Variants in ASAP1 observed in about 807,000 individuals in gnomAD.
ASAP1 encodes the protein ArfGAP with SH3 domain, ankyrin repeat and PH domain 1.
A neutral mutation model predicts 145.2 loss-of-function variants in ASAP1; 43 were observed. That is an observed-to-expected ratio of 0.30 (90% CI 0.23 to 0.38). The LOEUF (loss-of-function observed/expected upper bound fraction) is 0.38, where lower values mean the gene tolerates loss of function less well. ASAP1 is among the 10% of genes least tolerant of loss of function. ASAP1 has a pLI of 1.00. For synonymous variants in ASAP1, 546 were observed against 515.5 expected (o/e 1.06, Z -0.80); for missense variants, 1,018 against 1,355.3 (o/e 0.75, Z 3.91).
intron 3 of ASAP1, among the ~76,000 whole-genome samples, chr8:130,243,704 T>G (rs1204349814): frequency 6.6e-6 from 1 of 152,190 alleles, no homozygotes; most frequent in Non-Finnish European, 1.5e-5. Context: ...TCTCTTCGCC[T>G]AAATCTAAAC....
At chr8:130,288,680 T>C (rs900958264) in intron 3 of ASAP1, among the ~76,000 whole-genome samples, 2 of 152,182 alleles carry the variant, frequency 1.3e-5, no homozygotes, top group Non-Finnish European at 2.9e-5. Flanking sequence ...AAGGGCACTA[T>C]GGGAAGAAGA....
intron 3 of ASAP1, among the ~76,000 whole-genome samples, chr8:130,344,425 T>C (rs889330681): frequency 6.6e-6 from 1 of 152,092 alleles, no homozygotes; most frequent in Non-Finnish European, 1.5e-5. Flanking sequence ...TACTGAAGTA[T>C]TTACGGATGA....
At chr8:130,125,791 C>T (rs1041984063) in intron 17 of ASAP1, among the ~76,000 whole-genome samples, 165 bp downstream of exon 17, 1 of 152,138 alleles carries the variant, frequency 6.6e-6, no homozygotes, top group African/African-American at 2.4e-5. Flanking sequence ...AGAAAGTCAG[C>T]ATTACATACC....
chr8:130,413,116 CAG>C (rs1312303707), intron 1 of ASAP1, among the ~76,000 whole-genome samples: 1 of 152,170 alleles, frequency 6.6e-6, no homozygotes, highest in Non-Finnish European at 1.5e-5. Flanking sequence ...AGTATCTTGC[CAG>C]AGTTTTTACA....
intron 12 of ASAP1, among the ~76,000 whole-genome samples, chr8:130,156,052 C>T (rs1201731204): frequency 1.3e-5 from 2 of 152,200 alleles, no homozygotes; most frequent in African/African-American, 2.4e-5. Context: ...CACTTTCGTA[C>T]ATATAATGAG....
At chr8:130,378,653 G>C (rs905188642) in intron 2 of ASAP1, among the ~76,000 whole-genome samples, 3 of 152,180 alleles carry the variant, frequency 2.0e-5, no homozygotes, top group African/African-American at 7.2e-5. Flanking sequence ...AAGTGAGGGA[G>C]AGTTTCTAAG....
intron 12 of ASAP1, among the ~76,000 whole-genome samples, chr8:130,157,269 C>G (rs1407452614): frequency 6.6e-6 from 1 of 152,184 alleles, no homozygotes; most frequent in African/African-American, 2.4e-5. Flanking sequence ...TTTCTTTTCT[C>G]CTTTTACTTT....
At chr8:130,274,262 A>C (rs987259077) in intron 3 of ASAP1, among the ~76,000 whole-genome samples, 1 of 152,246 alleles carries the variant, frequency 6.6e-6, no homozygotes, top group African/African-American at 2.4e-5. Flanking sequence ...AAGATGGAAG[A>C]AGTGGCATGC....
intron 3 of ASAP1, among the ~76,000 whole-genome samples, chr8:130,253,314 T>C (rs188298179): frequency 5.9e-5 from 9 of 152,316 alleles, no homozygotes; most frequent in Middle Eastern, 3.4e-3. Context: ...CATAGAGTTA[T>C]AAGGATTAAG....
At position 130,054,341 on chromosome 8, in the gene ASAP1, C is replaced by G; in HGVS notation, c.*390G>C. 1 of 171,624 alleles carries G rather than the reference C, an allele frequency of 5.8e-6. No individual in the cohort carries two copies. Among genetic ancestry groups the G allele is most frequent in the Non-Finnish European group, 1.3e-5 (1 of 78,396 alleles). 10.6% of individuals were successfully genotyped at this position (171,624 alleles called of 1,614,324 possible). On this transcript the variant is annotated 3_prime_UTR_variant, in exon 30 of 30. Transcript: ENST00000518721. Reference sequence around the variant, plus strand: ...TTTGCTAATGTTGCATTTTCAGTAACACAATTGAGAATACTGCATTGTTAG... The same window carrying G: ...TTTGCTAATGTTGCATTTTCAGTAAGACAATTGAGAATACTGCATTGTTAG...
At chr8:130,328,245 G>C (rs780334299) in intron 3 of ASAP1, among the ~76,000 whole-genome samples, 2 of 152,172 alleles carry the variant, frequency 1.3e-5, no homozygotes, top group Non-Finnish European at 2.9e-5. Flanking sequence ...CACATAATTA[G>C]TATGTAGTGC....
At chr8:130,228,700 T>TAAA (rs34562395) in intron 4 of ASAP1, among the ~76,000 whole-genome samples, 2 of 129,122 alleles carry the variant, frequency 1.5e-5, no homozygotes, top group Non-Finnish European at 3.3e-5. Context: ...GACCCTGTCT[T>TAAA]AAAAAAAAAA....
intron 5 of ASAP1, among the ~76,000 whole-genome samples, chr8:130,189,182 C>T (rs1036859649): frequency 6.6e-6 from 1 of 152,158 alleles, no homozygotes; most frequent in Non-Finnish European, 1.5e-5. Flanking sequence ...TTCAATTCCA[C>T]TCTAGTTATT....
chr8:130,246,772 T>G (rs965593196), intron 3 of ASAP1, among the ~76,000 whole-genome samples: 1 of 152,178 alleles, frequency 6.6e-6, no homozygotes, highest in East Asian at 1.9e-4. Flanking sequence ...CCATACATTC[T>G]GTAAAGAGAA....
At chr8:130,150,742 T>C (rs1346014263) in intron 13 of ASAP1, among the ~76,000 whole-genome samples, 5 of 152,000 alleles carry the variant, frequency 3.3e-5, no homozygotes, top group African/African-American at 1.2e-4. Flanking sequence ...TAGCTGGGCG[T>C]GGTGAAGTGT....
At chr8:130,082,508 T>C (rs891067156) in intron 25 of ASAP1, among the ~76,000 whole-genome samples, 2 of 148,604 alleles carry the variant, frequency 1.3e-5, no homozygotes, top group African/African-American at 4.9e-5. Flanking sequence ...GGCCTTTTTT[T>C]TTTTTTTTTT....
chr8:130,422,501 G>T (rs186855243), intron 1 of ASAP1, among the ~76,000 whole-genome samples: 1 of 152,100 alleles, frequency 6.6e-6, no homozygotes, highest in Non-Finnish European at 1.5e-5. Flanking sequence ...GTACTTTCCC[G>T]CCTTCTCCCT....
intron 11 of ASAP1, 51 bp from the exon 12 acceptor site, chr8:130,160,015 T>C: frequency 1.3e-6 from 2 of 1,482,932 alleles, no homozygotes; most frequent in Non-Finnish European, 1.9e-6. Context: ...AATTCTCCCA[T>C]CTTTGATTCT....
intron 5 of ASAP1, among the ~76,000 whole-genome samples, chr8:130,194,565 C>A (rs372728574): frequency 3.9e-4 from 59 of 152,306 alleles, no homozygotes; most frequent in African/African-American, 1.3e-3. Flanking sequence ...CAGTCCCCAA[C>A]CTTTCTGGCA....
Sources: allele counts gnomAD v4.1 joint callset (sites outside exome capture counted in the v4.1 genomes callset), GRCh38; gene constraint gnomAD v4.1.1; transcripts MANE v1.5; gene names NCBI Gene and HGNC (gene_info 2026-07-23, HGNC 2026-07-21).